The following DAB1 variants were observed in gnomAD, a reference collection of about 807,000 sequenced individuals.
DAB1 encodes the protein disabled homolog 1.
DAB1 carries 15 observed loss-of-function variants against 64.6 expected under a neutral mutation model. The ratio of observed to expected loss-of-function variants is 0.23; its 90% CI spans 0.16 to 0.36. The LOEUF is 0.36. Ranked by LOEUF, DAB1 falls within the 10% of genes least tolerant of loss-of-function variation. DAB1 has a pLI of 1.00. For missense variants in DAB1, 596 were observed against 706.7 expected (o/e 0.84, Z 1.78); for synonymous variants, 235 against 251.9 (o/e 0.93, Z 0.64).
chr1:57,990,518 G>A (rs937906075), intron 5 of DAB1, among the ~76,000 whole-genome samples: 1 of 152,200 alleles, frequency 6.6e-6, no homozygotes, highest in African/African-American at 2.4e-5. Flanking sequence ...AGCTCAGAGA[G>A]GTTAATCCAC....
At chr1:58,231,203 A>T (rs1659761241) in intron 4 of DAB1, among the ~76,000 whole-genome samples, 1 of 152,192 alleles carries the variant, frequency 6.6e-6, no homozygotes, top group African/African-American at 2.4e-5. Flanking sequence ...TGAGTGAGTG[A>T]ATTAGCCAGG....
At chr1:57,206,295 C>T (rs2100301327) in intron 2 of DAB1, among the ~76,000 whole-genome samples, 1 of 152,266 alleles carries the variant, frequency 6.6e-6, no homozygotes, top group Non-Finnish European at 1.5e-5. Context: ...CAGCCTGTGG[C>T]ATGAAAGGAG....
chr1:58,108,778 T>C (rs1276471969), intron 5 of DAB1, among the ~76,000 whole-genome samples: 2 of 152,216 alleles, frequency 1.3e-5, no homozygotes, highest in East Asian at 1.9e-4. Context: ...TTATGCTTAA[T>C]GACATACAGA....
intron 6 of DAB1, among the ~76,000 whole-genome samples, chr1:57,661,819 A>G (rs1317823220): frequency 6.6e-6 from 1 of 152,084 alleles, no homozygotes; most frequent in East Asian, 1.9e-4. Flanking sequence ...ATTTTTTTAA[A>G]AAACATATTT....
intron 5 of DAB1, among the ~76,000 whole-genome samples, chr1:58,032,988 C>A (rs1039747955): frequency 3.3e-5 from 5 of 152,194 alleles, no homozygotes; most frequent in African/African-American, 1.2e-4. Context: ...TCACAACTCC[C>A]TGAATTCACT....
intron 3 of DAB1, among the ~76,000 whole-genome samples, chr1:58,382,733 C>T (rs1464258006): frequency 6.6e-6 from 1 of 152,224 alleles, no homozygotes; most frequent in Non-Finnish European, 1.5e-5. Context: ...ATTTGGAAGA[C>T]AGGACATTTG....
At chr1:58,079,017 C>G (rs868225042) in intron 5 of DAB1, among the ~76,000 whole-genome samples, 1 of 152,192 alleles carries the variant, frequency 6.6e-6, no homozygotes, top group African/African-American at 2.4e-5. Context: ...GACGGAAGAG[C>G]AGGCACCTCA....
exon 5 of DAB1, chr1:58,150,547 G>A (rs1654862037): frequency 6.6e-6 from 1 of 151,276 alleles, no homozygotes; most frequent in African/African-American, 2.4e-5. Context: ...ACTCTCCAAG[G>A]CAGTGAATTT....
intron 1 of DAB1, among the ~76,000 whole-genome samples, chr1:57,314,465 A>G (rs1309784592): frequency 1.3e-5 from 2 of 152,162 alleles, no homozygotes; most frequent in African/African-American, 4.8e-5. Flanking sequence ...CAGGTCCTTC[A>G]CACTCCAAGC....
intron 2 of DAB1, among the ~76,000 whole-genome samples, chr1:57,200,096 G>A (rs11206997): frequency 0.16 from 24,277 of 152,088 alleles, 2,451 homozygotes; most frequent in Admixed American, 0.27. Flanking sequence ...AATTTAGGCA[G>A]GGAACTTTAC....
At chr1:58,214,587 T>C (rs1050264653) in intron 4 of DAB1, among the ~76,000 whole-genome samples, 2 of 152,150 alleles carry the variant, frequency 1.3e-5, no homozygotes, top group Non-Finnish European at 2.9e-5. Context: ...TTGAGCAACA[T>C]AGAAATCCTG....
chr1:58,052,945 C>G (rs370218301), intron 5 of DAB1, among the ~76,000 whole-genome samples: 2 of 152,286 alleles, frequency 1.3e-5, no homozygotes, highest in African/African-American at 4.8e-5. Flanking sequence ...GCTGCTTCCA[C>G]TCATTATGGA....
At chr1:58,384,944 T>G (rs1412314839) in intron 3 of DAB1, among the ~76,000 whole-genome samples, 2 of 151,892 alleles carry the variant, frequency 1.3e-5, no homozygotes, top group African/African-American at 4.8e-5. Flanking sequence ...TGCCTCTTAG[T>G]CCACTGACTC....
At chr1:57,458,260 CATTGT>C (rs1249984151) in intron 7 of DAB1, among the ~76,000 whole-genome samples, 45 of 151,988 alleles carry the variant, frequency 3.0e-4, no homozygotes, top group African/African-American at 1.0e-3. Flanking sequence ...TATAGTAGTC[CATTGT>C]ATCATGAACT....
At chr1:58,463,926 A>G (rs1645269436) in intron 3 of DAB1, among the ~76,000 whole-genome samples, 1 of 152,258 alleles carries the variant, frequency 6.6e-6, no homozygotes, top group Non-Finnish European at 1.5e-5. Flanking sequence ...TGAATGCCCC[A>G]AAGCTAGGAA....
intron 1 of DAB1, among the ~76,000 whole-genome samples, chr1:57,390,426 C>G (rs772219288): frequency 5.3e-5 from 8 of 152,190 alleles, no homozygotes; most frequent in Non-Finnish European, 1.0e-4. Flanking sequence ...CATTTCAATT[C>G]TAGCAGTTCT....
chr1:58,332,306 C>T (rs1374014943), intron 4 of DAB1, among the ~76,000 whole-genome samples: 3 of 152,124 alleles, frequency 2.0e-5, no homozygotes, highest in Non-Finnish European at 4.4e-5. Flanking sequence ...GCACAGACCT[C>T]CTTCCTCTGC....
At chr1:58,358,934 T>A in intron 3 of DAB1, among the ~76,000 whole-genome samples, 1 of 7,872 alleles carries the variant, frequency 1.3e-4, no homozygotes, top group Admixed American at 1.9e-3. Flanking sequence ...TTTCTTTCTC[T>A]CTCTCTCTCT....
intron 1 of DAB1, among the ~76,000 whole-genome samples, chr1:57,293,448 T>A (rs994401884): frequency 9.2e-5 from 14 of 152,168 alleles, no homozygotes; most frequent in African/African-American, 3.4e-4. Context: ...TAGTGCCCAC[T>A]GGGGGAGCTG....
Sources: gnomAD v4.1 joint callset for allele counts (sites outside exome capture counted in the v4.1 genomes callset) on GRCh38, gnomAD v4.1.1 for gene constraint, MANE v1.5 for transcripts, NCBI Gene and HGNC (gene_info 2026-07-23, HGNC 2026-07-21) for gene names.